The following ABLIM1 variants were observed in gnomAD, a reference collection of about 807,000 sequenced individuals.
The protein encoded by ABLIM1 is actin-binding LIM protein 1.
Under a neutral mutation model 107.0 loss-of-function variants are expected in ABLIM1, and 40 were observed. That is an observed-to-expected ratio of 0.37 (90% CI 0.29 to 0.49). The LOEUF (loss-of-function observed/expected upper bound fraction) is 0.49. Among genes scored for constraint, ABLIM1 ranks in the 20% least tolerant of loss-of-function variants. The pLI, the probability that ABLIM1 is intolerant of heterozygous loss-of-function variation, is 0.97. For missense variants in ABLIM1, 857 were observed against 1,008.5 expected, an observed-to-expected ratio of 0.85 and a Z score of 2.04; for synonymous variants, 357 against 357.3, an observed-to-expected ratio of 1.00 and a Z score of 0.01.
At position 114,457,508 on chromosome 10, in the gene ABLIM1, G is replaced by C. The variant is rs191490457; in HGVS notation, c.1442-4025C>G. ...TGATCTCAAACTCCTGACCTCAAGT[G>C]ATCTGTGGCGCCTTGGCCTCCCAAA... On this transcript the variant is annotated intron_variant, in intron 12 of 22. Coordinates refer to ENST00000533213, the MANE Select transcript of ABLIM1 (RefSeq NM_002313.7). Among the ~76,000 whole-genome samples the C allele has an allele frequency of 1.4e-3, 220 of 152,154 alleles. 1 individual carries two copies. The highest frequency in any genetic ancestry group is 2.5e-3 in the Admixed American group (39 of 15,296).
intron 1 of ABLIM1, among the ~76,000 whole-genome samples, chr10:114,652,701 G>A (rs1324647799): frequency 6.6e-6 from 1 of 152,186 alleles, no homozygotes; most frequent in Non-Finnish European, 1.5e-5. Context: ...TATCCTTGGG[G>A]CTTTTGATAA....
the ABLIM1 span, among the ~76,000 whole-genome samples, chr10:114,797,167 T>C: frequency 2.0e-5 from 3 of 152,186 alleles, no homozygotes; most frequent in Non-Finnish European, 2.9e-5. Context: ...CTCCAAAAAA[T>C]TGTCACATCT....
chr10:114,675,110 C>T (rs1249524578), intron 1 of ABLIM1, among the ~76,000 whole-genome samples: 1 of 152,170 alleles, frequency 6.6e-6, no homozygotes, highest in Non-Finnish European at 1.5e-5. Flanking sequence ...CCTATGTTCC[C>T]TATGTTCCAT....
intron 1 of ABLIM1, among the ~76,000 whole-genome samples, chr10:114,748,613 T>G: frequency 6.7e-6 from 1 of 148,230 alleles, no homozygotes; most frequent in Non-Finnish European, 1.5e-5. Flanking sequence ...TCCCAGAGCA[T>G]AACACAAAAT....
chr10:114,587,748 G>A (rs1476065520), intron 2 of ABLIM1, among the ~76,000 whole-genome samples: 2 of 152,110 alleles, frequency 1.3e-5, no homozygotes, highest in African/African-American at 4.8e-5. Context: ...GTCCTGGGAA[G>A]GCTATTCAGT....
chr10:114,726,188 G>C (rs983784335), intron 1 of ABLIM1, among the ~76,000 whole-genome samples: 1 of 152,078 alleles, frequency 6.6e-6, no homozygotes, highest in Non-Finnish European at 1.5e-5. Flanking sequence ...ATTTGTTGTT[G>C]TTGTTACAAA....
At chr10:114,646,988 T>A (rs1190224652) in intron 1 of ABLIM1, among the ~76,000 whole-genome samples, 1 of 152,080 alleles carries the variant, frequency 6.6e-6, no homozygotes, top group Admixed American at 6.5e-5. Flanking sequence ...ATTAATAAAT[T>A]AATTAATATT....
At chr10:114,793,796 C>T in the ABLIM1 span, among the ~76,000 whole-genome samples, 2 of 152,166 alleles carry the variant, frequency 1.3e-5, no homozygotes, top group Admixed American at 6.5e-5. Context: ...TCCAAGTCTC[C>T]CGTCCATCCT....
chr10:114,601,806 A>G, intron 2 of ABLIM1, 21 bp downstream of exon 2: 1 of 1,614,178 alleles, frequency 6.2e-7, no homozygotes, highest in South Asian at 1.1e-5. Context: ...CCACTGAGCC[A>G]CGAAGCTGGA....
intron 1 of ABLIM1, among the ~76,000 whole-genome samples, chr10:114,657,301 G>A (rs1405636401): frequency 6.6e-6 from 1 of 152,086 alleles, no homozygotes; most frequent in African/African-American, 2.4e-5. Context: ...TGAGCAGTTG[G>A]GTAGGTATCA....
chr10:114,768,507 G>A (rs2082960601), upstream of ABLIM1, among the ~76,000 whole-genome samples: 2 of 152,124 alleles, frequency 1.3e-5, no homozygotes. Flanking sequence ...GAGAGAGAAA[G>A]CAAGAAAGGG....
chr10:114,536,733 T>G (rs2137167409), intron 6 of ABLIM1, among the ~76,000 whole-genome samples: 1 of 152,318 alleles, frequency 6.6e-6, no homozygotes, highest in East Asian at 1.9e-4. Flanking sequence ...ATACACAAGG[T>G]GACCAGTGTC....
chr10:114,784,789 A>G, the ABLIM1 span, among the ~76,000 whole-genome samples: 1 of 152,032 alleles, frequency 6.6e-6, no homozygotes, highest in East Asian at 1.9e-4. Context: ...CGTGCACTGA[A>G]TAAGTGGAGA....
At chr10:114,487,895 T>C (rs1471100541) in intron 8 of ABLIM1, 63 bp downstream of exon 8, 6 of 1,581,706 alleles carry the variant, frequency 3.8e-6, no homozygotes, top group Non-Finnish European at 5.2e-6. Context: ...GCCCCAAGAA[T>C]TAGTGACCAC....
intron 6 of ABLIM1, among the ~76,000 whole-genome samples, chr10:114,523,610 A>G (rs1322106254): frequency 6.6e-6 from 1 of 152,206 alleles, no homozygotes; most frequent in Non-Finnish European, 1.5e-5. Context: ...TACAACCCAC[A>G]GACCCACTCT....
At chr10:114,798,564 C>CCCCCCG in the ABLIM1 span, among the ~76,000 whole-genome samples, 46 of 149,192 alleles carry the variant, frequency 3.1e-4, 1 homozygote, top group South Asian at 0.01. Flanking sequence ...AGACCCCCCC[C>CCCCCCG]CCATGTCTAC....
At chr10:114,700,618 T>G (rs2081289777) in intron 1 of ABLIM1, among the ~76,000 whole-genome samples, 1 of 116,796 alleles carries the variant, frequency 8.6e-6, no homozygotes, top group Non-Finnish European at 1.9e-5. Flanking sequence ...GAATAGGAAT[T>G]CCAGAAACAG....
chr10:114,547,869 ACACT>A, intron 4 of ABLIM1, 93 bp from the exon 5 acceptor site: 3 of 1,478,566 alleles, frequency 2.0e-6, no homozygotes, highest in East Asian at 4.7e-5. Context: ...TGCCCATCAC[ACACT>A]CAATCAATAT....
intron 1 of ABLIM1, among the ~76,000 whole-genome samples, chr10:114,724,818 T>C (rs1008412273): frequency 6.6e-6 from 1 of 152,080 alleles, no homozygotes; most frequent in African/African-American, 2.4e-5. Flanking sequence ...GCTTATGTAG[T>C]TTCCCCACCC....
Sources: gnomAD v4.1 joint callset for allele counts (sites outside exome capture counted in the v4.1 genomes callset) on GRCh38, gnomAD v4.1.1 for gene constraint, MANE v1.5 for transcripts, NCBI Gene and HGNC (gene_info 2026-07-23, HGNC 2026-07-21) for gene names.